The following FRAS1 variants were observed in gnomAD, a reference collection of about 807,000 sequenced individuals.
FRAS1 encodes the protein Fraser extracellular matrix complex subunit 1.
FRAS1 carries 290 observed loss-of-function variants against 435.2 expected under a neutral mutation model. The ratio of observed to expected loss-of-function variants is 0.67; its 90% confidence interval spans 0.61 to 0.73. The LOEUF (loss-of-function observed/expected upper bound fraction) is 0.73, where lower values mean the gene tolerates loss of function less well. FRAS1 is among the 30% of genes least tolerant of loss of function. The pLI is 0.00. For synonymous variants in FRAS1, 1,800 were observed against 1,851.0 expected, an observed-to-expected ratio of 0.97 and a Z score of 0.71; for missense variants, 4,860 against 5,001.5, an observed-to-expected ratio of 0.97 and a Z score of 0.85.
At position 78,057,338 on chromosome 4, in the gene FRAS1, TC is replaced by T. The variant is rs1739508976; in HGVS notation, c.-670del. On this transcript the variant is annotated 5_prime_UTR_variant, in exon 1 of 74. Transcript: ENST00000512123. The surrounding 1 kb of genome is among the most constrained non-coding windows in gnomAD (Gnocchi z 4.2). ...GCCCCCCAGTCTTTCCTCTGAAGCT[TC>T]CGAACAGTCTGCTTCAGGGAGCGCA... is the stretch of plus-strand genomic sequence containing the variant. 6.6e-6 allele frequency among the ~76,000 whole-genome samples: 1 copy of T among 152,038 alleles called. No homozygotes were observed.
At position 78,221,109 on chromosome 4, in the gene FRAS1, C is replaced by T. The variant is rs191581217; in HGVS notation, c.109-16401C>T. Reference sequence around the variant, plus strand: ...CTTGAGCCCAGGAGGCAGAGATTGCCGTGAGCTGAGATCACGCCACTGCAC... The same window carrying T: ...CTTGAGCCCAGGAGGCAGAGATTGCTGTGAGCTGAGATCACGCCACTGCAC... On this transcript the variant is annotated intron_variant, in intron 2 of 73. Coordinates refer to ENST00000512123, the MANE Select transcript of FRAS1 (RefSeq NM_025074.7). Among the ~76,000 whole-genome samples the T allele has an allele frequency of 1.4e-3, 218 of 152,166 alleles. No individual in the cohort carries two copies. In the Middle Eastern group the frequency reaches 0.024, roughly 17 times the overall value.
chr4:78,087,537 G>A (rs921637465), intron 2 of FRAS1, among the ~76,000 whole-genome samples: 1 of 152,170 alleles, frequency 6.6e-6, no homozygotes, highest in African/African-American at 2.4e-5. Flanking sequence ...CATGGTCTCA[G>A]CCCAAAATCT....
chr4:78,329,145 A>G (rs1729834652), intron 18 of FRAS1, among the ~76,000 whole-genome samples: 4 of 152,216 alleles, frequency 2.6e-5, no homozygotes, highest in Non-Finnish European at 4.4e-5. Context: ...TCCCATCCAG[A>G]GTTGTGTTAA....
At chr4:78,524,022 C>T (rs1479958829) in intron 69 of FRAS1, among the ~76,000 whole-genome samples, 1 of 152,208 alleles carries the variant, frequency 6.6e-6, no homozygotes, top group African/African-American at 2.4e-5. Flanking sequence ...CCCAGCCCAG[C>T]TCAAATACTG....
intron 31 of FRAS1, 73 bp from the exon 32 acceptor site, chr4:78,412,896 G>A (rs963553808): frequency 1.3e-6 from 1 of 789,390 alleles, no homozygotes; most frequent in Non-Finnish European, 2.0e-6. Context: ...GCTTAAAAGA[G>A]GGAAAAACCC....
chr4:78,451,183 C>T (rs1719010224), intron 45 of FRAS1, among the ~76,000 whole-genome samples: 2 of 152,076 alleles, frequency 1.3e-5, no homozygotes, highest in Non-Finnish European at 2.9e-5. Flanking sequence ...TTTACACAAC[C>T]AAATTGAAAG....
chr4:78,444,726 C>A (rs1718736379), intron 41 of FRAS1, among the ~76,000 whole-genome samples: 1 of 152,178 alleles, frequency 6.6e-6, no homozygotes, highest in Non-Finnish European at 1.5e-5. Flanking sequence ...TTCCCCTGGG[C>A]CTTTTGCAGT....
chr4:78,122,565 AT>A (rs1719091416), intron 2 of FRAS1, among the ~76,000 whole-genome samples: 1 of 152,130 alleles, frequency 6.6e-6, no homozygotes, highest in Admixed American at 6.5e-5. Flanking sequence ...GTCTTCCACA[AT>A]GGTTGAACTA....
At chr4:78,325,193 C>T (rs920752618) in intron 18 of FRAS1, among the ~76,000 whole-genome samples, 4 of 152,186 alleles carry the variant, frequency 2.6e-5, no homozygotes, top group African/African-American at 9.7e-5. Context: ...TTTCCAGCCT[C>T]CTAGGGCTGG....
intron 25 of FRAS1, among the ~76,000 whole-genome samples, chr4:78,374,980 G>A (rs1484166828): frequency 1.3e-5 from 2 of 152,166 alleles, no homozygotes; most frequent in Non-Finnish European, 2.9e-5. Flanking sequence ...GTTAATCACA[G>A]CAGCTTAAGA....
chr4:78,429,945 A>G (rs1171942642), intron 36 of FRAS1, among the ~76,000 whole-genome samples: 2 of 152,218 alleles, frequency 1.3e-5, no homozygotes, highest in East Asian at 3.8e-4. Flanking sequence ...ATGAAATGCC[A>G]AACAATTTAT....
chr4:78,414,639 T>A (rs1733479788), intron 32 of FRAS1, among the ~76,000 whole-genome samples: 1 of 152,228 alleles, frequency 6.6e-6, no homozygotes, highest in South Asian at 2.1e-4. Context: ...TTGGTAAATA[T>A]ATTGTGAATG....
At chr4:78,254,118 C>G (rs1430020456) in intron 5 of FRAS1, among the ~76,000 whole-genome samples, 1 of 152,000 alleles carries the variant, frequency 6.6e-6, no homozygotes, top group Non-Finnish European at 1.5e-5. Context: ...CTTTTAGGCC[C>G]TCTCCTCAGA....
Position 78,466,448 on chromosome 4 carries a change from G to T in FRAS1, c.7257+13G>T. ...AGGGGGAAAAGAGGTGAGGGGTGAG[G>T]ACACTGGAGGAGGTAGCCTAGCACT... On this transcript the variant is annotated intron_variant, in intron 50 of 73. Transcript: ENST00000512123. The T allele has an allele frequency of 1.3e-6, 2 of 1,590,594 alleles. No individual in the cohort carries two copies. Among genetic ancestry groups the T allele is most frequent in the Non-Finnish European group, 1.7e-6 (2 of 1,161,312 alleles).
At chr4:78,262,025 T>C (rs1478079632) in intron 6 of FRAS1, among the ~76,000 whole-genome samples, 1 of 152,174 alleles carries the variant, frequency 6.6e-6, no homozygotes, top group African/African-American at 2.4e-5. Flanking sequence ...GCTGCAAGGG[T>C]AAGTAGATTT....
At chr4:78,201,743 C>A (rs921506391) in intron 2 of FRAS1, among the ~76,000 whole-genome samples, 1 of 151,984 alleles carries the variant, frequency 6.6e-6, no homozygotes, top group East Asian at 1.9e-4. Context: ...TTTAAGATGT[C>A]GCTGATGAGG....
At chr4:78,213,813 A>G (rs1392066208) in intron 2 of FRAS1, among the ~76,000 whole-genome samples, 2 of 152,166 alleles carry the variant, frequency 1.3e-5, no homozygotes, top group African/African-American at 4.8e-5. Context: ...CATTTCCTCT[A>G]TTGCTTTTGT....
intron 20 of FRAS1, 41 bp from the exon 21 acceptor site, chr4:78,363,472 T>C (rs1731153675): frequency 6.4e-7 from 1 of 1,570,760 alleles, no homozygotes; most frequent in Admixed American, 1.8e-5. Flanking sequence ...TTTGTGCTCA[T>C]GAGCACCCGT....
At chr4:78,480,476 C>A (rs1719980212) in intron 56 of FRAS1, among the ~76,000 whole-genome samples, 1 of 152,176 alleles carries the variant, frequency 6.6e-6, no homozygotes, top group African/African-American at 2.4e-5. Flanking sequence ...ATGGGCTGAC[C>A]TCTGTGGTCC....
Sources: gnomAD v4.1 joint callset for allele counts (sites outside exome capture counted in the v4.1 genomes callset) on GRCh38, gnomAD v4.1.1 for gene constraint, Gnocchi (gnomAD v3.1) non-coding constraint, MANE v1.5 for transcripts, NCBI Gene and HGNC (gene_info 2026-07-23, HGNC 2026-07-21) for gene names.